LGALS9C: variants seen among roughly 807,000 people sequenced by gnomAD.
LGALS9C encodes galectin-9C.
In LGALS9C, 7 loss-of-function variants were observed where a neutral mutation model predicts 41.3. The observed-to-expected ratio is 0.17, with a 90% CI of 0.10 to 0.32. The LOEUF (loss-of-function observed/expected upper bound fraction) is 0.32, where lower values mean the gene tolerates loss of function less well. Among genes scored for constraint, LGALS9C ranks in the 10% least tolerant of loss-of-function variants. The pLI, the probability that LGALS9C is intolerant of heterozygous loss-of-function variation, is 1.00. For missense variants in LGALS9C, 102 were observed against 455.2 expected (o/e 0.22, Z 7.06); for synonymous variants, 44 against 171.0 (o/e 0.26, Z 5.80).
chr17:18,492,930 G>A (rs1361526078), intron 10 of LGALS9C, 71 bp downstream of exon 10: 3 of 1,409,416 alleles, frequency 2.1e-6, no homozygotes, highest in Non-Finnish European at 2.9e-6. Flanking sequence ...GGAGGTCTGG[G>A]GTACCTTGAA....
At chr17:18,484,656 G>A (rs1329632785) in intron 2 of LGALS9C, among the ~76,000 whole-genome samples, 5 of 149,916 alleles carry the variant, frequency 3.3e-5, no homozygotes, top group East Asian at 3.9e-4. Context: ...TGAAGTCTGC[G>A]GGGCCCACAG....
In LGALS9C at chr17:18,494,918, G is replaced by T. The variant is rs997909616; in HGVS notation, c.*551G>T. 7.5e-6 allele frequency: 1 copy of T among 134,152 alleles called. No homozygotes were observed. Among genetic ancestry groups the T allele is most frequent in the African/African-American group, 2.5e-5 (1 of 40,166 alleles). 8.3% of individuals were successfully genotyped at this position (134,152 alleles called of 1,614,324 possible). On this transcript the variant is annotated 3_prime_UTR_variant, in exon 11 of 11. Coordinates refer to ENST00000328114, the MANE Select transcript of LGALS9C (RefSeq NM_001040078.3). ...CCTTTCCCAGTGTCCTTAAAATAAA[G>T]AAATGAAAATGCTTGTTGGCACATT...
At chr17:18,478,452 A>G (rs1989282107) in intron 1 of LGALS9C, among the ~76,000 whole-genome samples, 1 of 122,022 alleles carries the variant, frequency 8.2e-6, no homozygotes, top group African/African-American at 2.7e-5. Flanking sequence ...CTGGGTTGGG[A>G]CACTTGAGCC....
chr17:18,487,621 C>T lies in LGALS9C; in HGVS notation c.334-26C>T, dbSNP rs373346900. The T allele has an allele frequency of 3.1e-3, 4,364 of 1,407,648 alleles. 17 individuals are homozygous for T. In the African/African-American group the frequency reaches 0.048, roughly 16 times the overall value. The allele number at this position is 1,407,648 out of a possible 1,614,324, so 87.2% of individuals were successfully genotyped here. ...CCCATCCCGGCCTGGGGCACCTCCC[C>T]CGAAATACGTGCTCTCCTCTGGCAG... On this transcript the variant is annotated intron_variant, in intron 3 of 10. Transcript: ENST00000328114.
At chr17:18,483,014 C>T (rs1169121446) in intron 1 of LGALS9C, among the ~76,000 whole-genome samples, 1 of 125,066 alleles carries the variant, frequency 8.0e-6, no homozygotes, top group Non-Finnish European at 1.9e-5. Context: ...GGAGAAACAC[C>T]TTCCTATTTT....
At chr17:18,485,851 G>A in intron 2 of LGALS9C, 83 bp from the exon 3 acceptor site, 2 of 816,630 alleles carry the variant, frequency 2.4e-6, no homozygotes, top group Non-Finnish European at 4.0e-6. Context: ...GACAAACACA[G>A]GGCAGAGGCA....
At chr17:18,490,836 AG>A in intron 6 of LGALS9C, 68 bp downstream of exon 6, 1 of 506,748 alleles carries the variant, frequency 2.0e-6, no homozygotes, top group Admixed American at 3.4e-5. Context: ...TGGAGGATGC[AG>A]GGCCAGGCAT....
At chr17:18,482,478 G>A (rs552976687) in intron 1 of LGALS9C, among the ~76,000 whole-genome samples, 8,192 of 105,298 alleles carry the variant, frequency 0.078, 16 homozygotes, top group African/African-American at 0.22. Flanking sequence ...TTTGACAAAA[G>A]ATTTCCCCCA....
At position 18,492,528 on chromosome 17, in the gene LGALS9C, C is replaced by A. The variant is rs756924333; in HGVS notation, c.744C>A (p.Val248=). ...PSKSIILSGT[V]LPSAQRFHIN... ...AGTCCATCATCCTGTCAGGCACTGT[C>A]CTGCCCAGTGCTCAGAGGTAAGCCA... is the stretch of plus-strand genomic sequence containing the variant. Residue 248 remains valine, a synonymous_variant, in exon 9 of 11, where the codon GTC becomes GTA. Transcript: ENST00000328114. 1.0e-5 allele frequency: 16 copies of A among 1,570,070 alleles called. No individual in the cohort carries two copies. The highest frequency in any genetic ancestry group is 3.4e-4 in the Middle Eastern group (2 of 5,918).
intron 9 of LGALS9C, 49 bp downstream of exon 9, chr17:18,492,594 T>C (rs1459803588): frequency 6.3e-7 from 1 of 1,588,378 alleles, no homozygotes; most frequent in Admixed American, 1.7e-5. Context: ...CCCTTCAAGG[T>C]CATTCCAGCC....
chr17:18,491,274 C>G lies in LGALS9C; in HGVS notation c.578C>G (p.Thr193Ser), dbSNP rs746922931. The G allele has an allele frequency of 6.7e-7, 1 of 1,485,396 alleles. No individual in the cohort carries two copies. Among genetic ancestry groups the G allele is most frequent in the African/African-American group, 1.5e-5 (1 of 67,736 alleles). 92.0% of individuals were successfully genotyped at this position (1,485,396 alleles called of 1,614,324 possible). A position where few individuals can be genotyped will look rare whatever the true frequency, so the allele number is the denominator to read the frequency against. ...SVRPANPAPI[T>S]QTVIHTVQSA... ...TGAGACCTGGTTTCTTTCTTCCAGA[C>G]CCAGACAGTCATCCACACGGTGCAG... The change falls in exon 7 of 11, where the codon ACC becomes AGC. Residue 193 changes from threonine to serine, a missense_variant and splice_region_variant. Physicochemically the swap from Thr to Ser is moderately conservative, Grantham distance 58. Transcript: ENST00000328114.
At position 18,492,912 on chromosome 17, in the gene LGALS9C, G is replaced by C. The variant is rs1273715062; in HGVS notation, c.924+53G>C. 1.1e-5 allele frequency: 16 copies of C among 1,412,038 alleles called. 1 individual carries two copies. Among genetic ancestry groups the C allele is most frequent in the East Asian group, 6.9e-5 (3 of 43,520 alleles). 87.5% of individuals were successfully genotyped at this position (1,412,038 alleles called of 1,614,324 possible). A position where few individuals can be genotyped will look rare whatever the true frequency, so the allele number is the denominator to read the frequency against. On this transcript the variant is annotated intron_variant, in intron 10 of 10. Transcript: ENST00000328114. The stretch of plus-strand genomic sequence containing the variant: ...GAGGCTCCTATGGGTACACGGGGAG[G>C]GGGTAAAGGAGGTCTGGGGTACCTT...
intron 1 of LGALS9C, among the ~76,000 whole-genome samples, chr17:18,479,439 C>T (rs149326417): frequency 0.02 from 2,630 of 129,710 alleles, 232 homozygotes; most frequent in African/African-American, 0.053. Context: ...CTCCAGAATG[C>T]TGCCAGCCAG....
Position 18,483,919 on chromosome 17 carries a change from A to G in LGALS9C, c.84A>G (p.Gly28=), listed in dbSNP as rs1989489888. ...CTATCCAAGGGGGTCTCCAGGACGG[A>G]TTTCAGATCACTGTCAATGGGGCCG... ...SGTIQGGLQD[G]FQITVNGAVL... Residue 28 remains glycine (G), a synonymous_variant, in exon 2 of 11, where the codon GGA becomes GGG. Coordinates refer to ENST00000328114, the MANE Select transcript of LGALS9C (RefSeq NM_001040078.3). 9 of 1,366,320 alleles carry G rather than the reference A, an allele frequency of 6.6e-6. 3 individuals carry two copies. In the South Asian group the frequency reaches 9.6e-5, roughly 15 times the overall value. 84.6% of individuals were successfully genotyped at this position (1,366,320 alleles called of 1,614,324 possible). A position where few individuals can be genotyped will look rare whatever the true frequency, so the allele number is the denominator to read the frequency against.
Position 18,479,430 on chromosome 17 carries a change from T to A in LGALS9C, c.39+2537T>A, listed in dbSNP as rs1225440739. Reference sequence around the variant, plus strand: ...GCACATGGCATTCCACCCAGTCCTCTCCAGAATGCTGCCAGCCAGGGACTC... The same window carrying A: ...GCACATGGCATTCCACCCAGTCCTCACCAGAATGCTGCCAGCCAGGGACTC... On this transcript the variant is annotated intron_variant, in intron 1 of 10. Transcript: ENST00000328114. Among the ~76,000 whole-genome samples, 3 of 129,420 alleles carry A rather than the reference T, an allele frequency of 2.3e-5. No homozygotes were observed. In the East Asian group the frequency reaches 5.9e-4, roughly 25 times the overall value. 84.9% of individuals were successfully genotyped at this position (129,420 alleles called of 152,430 possible). A position where few individuals can be genotyped will look rare whatever the true frequency, so the allele number is the denominator to read the frequency against.
chr17:18,479,352 C>T (rs1237669102), intron 1 of LGALS9C, among the ~76,000 whole-genome samples: 1 of 130,004 alleles, frequency 7.7e-6, no homozygotes, highest in Non-Finnish European at 1.9e-5. Flanking sequence ...GCCAGAGGCT[C>T]AGCACATGGC....
chr17:18,487,046 G>A (rs1989614489), intron 3 of LGALS9C: 1 of 162,508 alleles, frequency 6.2e-6, no homozygotes, highest in Admixed American at 5.8e-5. Context: ...AAAGTTGAAG[G>A]GGCTGGGCAC....
intron 8 of LGALS9C, 71 bp from the exon 9 acceptor site, chr17:18,492,386 T>C (rs2151673166): frequency 6.6e-7 from 1 of 1,504,870 alleles, no homozygotes; most frequent in Middle Eastern, 1.7e-4. Context: ...TGGGAACTGG[T>C]ACAATCTTCC....
intron 10 of LGALS9C, among the ~76,000 whole-genome samples, chr17:18,493,912 A>G (rs1989909178): frequency 7.3e-6 from 1 of 136,196 alleles, no homozygotes; most frequent in African/African-American, 2.5e-5. Context: ...TGGAAAAGAC[A>G]AGTTAGGAGG....
Sources: gnomAD v4.1 joint callset for allele counts (sites outside exome capture counted in the v4.1 genomes callset) on GRCh38, gnomAD v4.1.1 for gene constraint, MANE v1.5 for transcripts, NCBI Gene and HGNC (gene_info 2026-07-23, HGNC 2026-07-21) for gene names.